Variants in FAT2 observed in about 807,000 individuals in gnomAD.
FAT2 encodes FAT atypical cadherin 2, also known as protocadherin Fat 2.
Under a neutral mutation model 295.3 loss-of-function variants are expected in FAT2, and 150 were observed. The observed-to-expected ratio is 0.51, with a 90% CI of 0.44 to 0.58. The LOEUF (loss-of-function observed/expected upper bound fraction) is 0.58. Among genes scored for constraint, FAT2 ranks in the 20% least tolerant of loss-of-function variants. The probability of loss-of-function intolerance (pLI) is 0.00; values close to 1 mark genes in which losing one functional copy is unlikely to be tolerated. For synonymous variants in FAT2, 2,026 were observed against 2,150.3 expected (o/e 0.94, Z 1.60); for missense variants, 4,868 against 5,442.7 (o/e 0.89, Z 3.32).
chr5:151,506,152 C>T, intron 23 of FAT2, 55 bp from the exon 24 acceptor site: 1 of 1,487,072 alleles, frequency 6.7e-7, no homozygotes. Context: ...AAGGTTTCAG[C>T]TGGCTCTATA....
intron 12 of FAT2, among the ~76,000 whole-genome samples, chr5:151,536,777 G>A (rs891983727): frequency 2.6e-5 from 4 of 152,170 alleles, no homozygotes; most frequent in Non-Finnish European, 5.9e-5. Flanking sequence ...TTGCAGCATA[G>A]ATACCTTGAG....
intron 10 of FAT2, 129 bp downstream of exon 10, chr5:151,542,156 G>A: frequency 2.5e-6 from 2 of 794,158 alleles, no homozygotes; most frequent in Non-Finnish European, 4.0e-6. Flanking sequence ...GGTCCTAGGG[G>A]GTTAAGTGTG....
At chr5:151,540,148 G>A (rs1268651851) in intron 11 of FAT2, among the ~76,000 whole-genome samples, 1 of 152,216 alleles carries the variant, frequency 6.6e-6, no homozygotes, top group African/African-American at 2.4e-5. Context: ...GTTCTGCAGA[G>A]AAATAGACCT....
In FAT2 at chr5:151,527,164, A is replaced by G; in HGVS notation, c.10308+70T>C. ...TTGTTCATGTGGACTAATGCCACTG[A>G]GGGGCATCTTCTGCTAGAAGGGAAA... On this transcript the variant is annotated intron_variant, in intron 17 of 23. Transcript: ENST00000261800. 3 of 1,470,600 alleles carry G rather than the reference A, an allele frequency of 2.0e-6. No individual in the cohort carries two copies. The South Asian group carries it at 3.9e-5, about 19-fold the overall frequency. 91.1% of individuals were successfully genotyped at this position (1,470,600 alleles called of 1,614,324 possible). A position where few individuals can be genotyped will look rare whatever the true frequency, so the allele number is the denominator to read the frequency against.
rs779038265 is a variant in FAT2, at chr5:151,568,896, C to T, written c.36G>A (p.Leu12=). The change falls in exon 2 of 24, where the codon TTG becomes TTA. Residue 12 remains leucine (L), a synonymous_variant. Coordinates refer to ENST00000261800, the MANE Select transcript of FAT2 (RefSeq NM_001447.3). ...TIALLGFAIF[L]LHCATCEKPL... is the part of the protein sequence containing the mutation. ...GCTTCTCACAGGTCGCACAATGGAG[C>T]AAGAATATGGCAAAACCCAGCAGGG... 10 of 1,612,752 alleles carry T rather than the reference C, an allele frequency of 6.2e-6. No individual in the cohort carries two copies. The East Asian group carries it at 6.7e-5, about 11-fold the overall frequency.
intron 2 of FAT2, among the ~76,000 whole-genome samples, chr5:151,564,229 T>C (rs6859217): frequency 0.48 from 73,183 of 151,700 alleles, 17,800 homozygotes; most frequent in Non-Finnish European, 0.53. Flanking sequence ...ACACCTGAAG[T>C]TCTCATGGAT....
chr5:151,521,763 G>T lies in FAT2; in HGVS notation c.10830C>A (p.Thr3610=), dbSNP rs1487843808. The change falls in exon 19 of 24, where the codon ACC becomes ACA. Residue 3610 remains threonine, a synonymous_variant. Coordinates refer to ENST00000261800, the MANE Select transcript of FAT2 (RefSeq NM_001447.3). ...CGTACACATGGACCCCAGCAGTCGT[G>T]GTGAAGGTCCCATCGCTGACCGTGA... ...FNVTVSDGTF[T]TTAGVHVYVW... The T allele has an allele frequency of 1.2e-6, 2 of 1,614,116 alleles. No individual in the cohort carries two copies. Among genetic ancestry groups the T allele is most frequent in the Admixed American group, 3.3e-5 (2 of 60,032 alleles).
At chr5:151,572,710 G>A (rs1206667230) in intron 1 of FAT2, among the ~76,000 whole-genome samples, 1 of 152,220 alleles carries the variant, frequency 6.6e-6, no homozygotes, top group Non-Finnish European at 1.5e-5. Context: ...AGACATATTC[G>A]TTATTAGATT....
chr5:151,565,639 G>A, intron 2 of FAT2, 34 bp downstream of exon 2: 1 of 1,524,962 alleles, frequency 6.6e-7, no homozygotes, highest in Non-Finnish European at 8.8e-7. Flanking sequence ...TCTACCTCTG[G>A]CCCTGGCACC....
chr5:151,553,023 A>G (rs1307413758), intron 6 of FAT2, among the ~76,000 whole-genome samples, 154 bp downstream of exon 6: 1 of 152,196 alleles, frequency 6.6e-6, no homozygotes, highest in Non-Finnish European at 1.5e-5. Flanking sequence ...CTCCCAGAGA[A>G]CCAGGGAAGA....
At position 151,542,623 on chromosome 5, in the gene FAT2, C is replaced by T. The variant is rs775049580; in HGVS notation, c.8504G>A (p.Arg2835Lys). Reference sequence around the variant, plus strand: ...ATTGCTACCAGGGTCTGCAGACAGCCTGTAGCTCACCTGGCCATCTCTCCC... The same window carrying T: ...ATTGCTACCAGGGTCTGCAGACAGCTTGTAGCTCACCTGGCCATCTCTCCC... ...DTGRDGQVSY[R>K]LSADPGSNVH... Residue 2835 changes from arginine (R) to lysine (K), a missense_variant, in exon 10 of 24, where the codon AGG becomes AAG. Around this residue, in one of 5 missense-constraint regions of FAT2, gnomAD observed 3,297 missense variants for 3,669.4 expected, o/e 0.90. Coordinates refer to ENST00000261800, the MANE Select transcript of FAT2 (RefSeq NM_001447.3). The T allele has an allele frequency of 2.7e-5, 44 of 1,614,082 alleles. No individual in the cohort carries two copies. The highest frequency in any genetic ancestry group is 3.6e-5 in the Non-Finnish European group (43 of 1,180,030).
In FAT2 at chr5:151,551,976, GGTGT is replaced by G. The variant is rs56267278; in HGVS notation, c.4157-374_4157-371del. The stretch of plus-strand genomic sequence containing the variant: ...AACAATACTTTAATATAACCCTAAG[GGTGT>G]GTGTGTGTGTGTGTGTGTGTGTGTG... On this transcript the variant is annotated intron_variant, in intron 6 of 23. Coordinates refer to ENST00000261800, the MANE Select transcript of FAT2 (RefSeq NM_001447.3). 2.6e-3 allele frequency among the ~76,000 whole-genome samples: 380 copies of G among 143,630 alleles called. 1 individual carries two copies. The highest frequency in any genetic ancestry group is 0.011 in the South Asian group (50 of 4,362). 94.2% of individuals were successfully genotyped at this position (143,630 alleles called of 152,430 possible).
chr5:151,584,679 C>T (rs540851149), intron 1 of FAT2, among the ~76,000 whole-genome samples: 4 of 152,210 alleles, frequency 2.6e-5, no homozygotes, highest in African/African-American at 9.6e-5. Context: ...CCCACAAAGG[C>T]AGGTACTATC....
Position 151,556,836 on chromosome 5 carries a change from T to C in FAT2, c.3575-434A>G, listed in dbSNP as rs912867369. 9.9e-5 allele frequency among the ~76,000 whole-genome samples: 15 copies of C among 152,246 alleles called. 1 individual carries two copies. The highest frequency in any genetic ancestry group is 3.1e-4 in the African/African-American group (13 of 41,510). On this transcript the variant is annotated intron_variant, in intron 3 of 23. Coordinates refer to ENST00000261800, the MANE Select transcript of FAT2 (RefSeq NM_001447.3). ...TGTAGGTTCGGTGTTTAAACACAGT[T>C]TAGACTTACAGCATTTTCAACTTAT...
In FAT2 at chr5:151,507,559, C is replaced by T. The variant is rs138750878; in HGVS notation, c.12112G>A (p.Glu4038Lys). ...TGCCCCCAGTCCCCCCTTTGGATCTCGGGAGTGACTAGGCAGTGTCCTTCT... is the reference window on the plus strand; with the variant it reads ...TGCCCCCAGTCCCCCCTTTGGATCTTGGGAGTGACTAGGCAGTGTCCTTCT... ...CSEGHCLVTP[E>K]IQRGDWGQQE... The change falls in exon 23 of 24, where the codon GAG (glutamate) becomes AAG (lysine). Residue 4038 changes from glutamate to lysine, a missense_variant. Around this residue, in one of 5 missense-constraint regions of FAT2, gnomAD observed 492 missense variants for 482.6 expected, o/e 1.02. Coordinates refer to ENST00000261800, the MANE Select transcript of FAT2 (RefSeq NM_001447.3). 2,578 of 1,614,014 alleles carry T rather than the reference C, an allele frequency of 1.6e-3. 6 individuals are homozygous for T. The highest frequency in any genetic ancestry group is 2.0e-3 in the Non-Finnish European group (2,391 of 1,179,992).
chr5:151,533,333 T>C (rs1436842336), intron 13 of FAT2, among the ~76,000 whole-genome samples: 1 of 151,570 alleles, frequency 6.6e-6, no homozygotes, highest in East Asian at 1.9e-4. Context: ...TCCAGATCTC[T>C]CCTATCAAAC....
intron 1 of FAT2, among the ~76,000 whole-genome samples, chr5:151,585,130 A>G (rs1431514294): frequency 6.6e-6 from 1 of 152,226 alleles, no homozygotes; most frequent in African/African-American, 2.4e-5. Context: ...TCTCCTAACA[A>G]TAGTAAATAG....
chr5:151,588,116 GGTGTGTGTGTATGTGT>G (rs1423048660), intron 1 of FAT2, among the ~76,000 whole-genome samples: 1 of 152,052 alleles, frequency 6.6e-6, no homozygotes, highest in Admixed American at 6.6e-5. Context: ...GTGATGGAGT[GGTGTGTGTGTATGTGT>G]GTGTGGGTGT....
Position 151,546,315 on chromosome 5 carries a change from G to A in FAT2, c.4812C>T (p.Asn1604=), listed in dbSNP as rs2127614717. ...LLKGNSEGFF[N]INALLGIITL... ...TAATGATGCCTAGCAGGGCATTGAT[G>A]TTGAAGAAACCTTCGCTGTTCCCTG... Residue 1604 remains asparagine, a synonymous_variant, in exon 10 of 24, where the codon AAC becomes AAT. Transcript: ENST00000261800. The A allele has an allele frequency of 6.2e-7, 1 of 1,613,158 alleles. No homozygotes were observed. The highest frequency in any genetic ancestry group is 8.5e-7 in the Non-Finnish European group (1 of 1,179,542).
Sources: gnomAD v4.1 joint callset for allele counts (sites outside exome capture counted in the v4.1 genomes callset) on GRCh38, gnomAD v4.1.1 for gene constraint, gnomAD v4.1.1 regional missense constraint, MANE v1.5 for transcripts, NCBI Gene and HGNC (gene_info 2026-07-23, HGNC 2026-07-21) for gene names.